The following LTBP4 variants were observed in gnomAD, a reference collection of about 807,000 sequenced individuals.
The protein encoded by LTBP4 is latent-transforming growth factor beta-binding protein 4.
LTBP4 carries 93 observed loss-of-function variants against 180.2 expected under a neutral mutation model. That is an observed-to-expected ratio of 0.52 (90% CI 0.44 to 0.61). The LOEUF (loss-of-function observed/expected upper bound fraction) is 0.61, where lower values mean the gene tolerates loss of function less well. Ranked by LOEUF, LTBP4 falls within the 20% of genes least tolerant of loss-of-function variation. The probability of loss-of-function intolerance (pLI) is 0.00; values close to 1 mark genes in which losing one functional copy is unlikely to be tolerated. For missense variants in LTBP4, 2,116 were observed against 2,256.5 expected (o/e 0.94, Z 1.26); for synonymous variants, 947 against 934.5 (o/e 1.01, Z -0.24).
chr19:40,627,883 G>A (rs1314397765), intron 29 of LTBP4, 26 bp downstream of exon 29: 3 of 1,547,816 alleles, frequency 1.9e-6, no homozygotes, highest in Admixed American at 3.8e-5. Context: ...GGGCCAGCAT[G>A]CGCAGGGAGA....
At chr19:40,627,914 G>T in intron 29 of LTBP4, 57 bp downstream of exon 29, 1 of 1,518,682 alleles carries the variant, frequency 6.6e-7, no homozygotes, top group South Asian at 1.2e-5. Context: ...GTCCAGGGAG[G>T]GTGGAAGCCC....
chr19:40,623,174 CT>C (rs11376199), intron 24 of LTBP4, among the ~76,000 whole-genome samples, 153 bp downstream of exon 24: 91 of 138,340 alleles, frequency 6.6e-4, no homozygotes, highest in African/African-American at 9.6e-4. Context: ...TCTTTTCTTT[CT>C]TTTTTTTTTT....
upstream of LTBP4, among the ~76,000 whole-genome samples, chr19:40,596,463 T>C (rs960534130): frequency 1.3e-5 from 2 of 151,222 alleles, no homozygotes; most frequent in African/African-American, 2.4e-5. Context: ...TGATACCCTC[T>C]GGGGGCGGCG....
Position 40,608,499 on chromosome 19 carries a change from A to G in LTBP4, c.1322A>G (p.His441Arg). ...SRPSAGFLPT[H>R]RLEPRPEPRP... The stretch of plus-strand genomic sequence containing the variant: ...TCTTTATCAGGCTTTCTGCCCACCC[A>G]TCGCCTGGAGCCCCGGCCTGAACCC... The change falls in exon 9 of 30, where the codon CAT becomes CGT. Residue 441 changes from histidine to arginine, a missense_variant. Physicochemically the swap from His to Arg is conservative, Grantham distance 29 (BLOSUM62 0). This residue lies in a region of LTBP4 where 877 missense variants were observed against 873.6 expected (regional missense o/e 1.00). Coordinates refer to ENST00000396819, the MANE Select transcript of LTBP4 (RefSeq NM_001042545.2). 6.2e-7 allele frequency: 1 copy of G among 1,604,538 alleles called. No individual in the cohort carries two copies. Among genetic ancestry groups the G allele is most frequent in the South Asian group, 1.1e-5 (1 of 89,398 alleles).
chr19:40,595,160 G>A (rs908482656), intron 1 of LTBP4, among the ~76,000 whole-genome samples: 1 of 152,118 alleles, frequency 6.6e-6, no homozygotes, highest in Non-Finnish European at 1.5e-5. Context: ...TCCTACATGT[G>A]GTCACGTCCC....
In LTBP4 at chr19:40,616,221, G is replaced by T. The variant is rs180853365; in HGVS notation, c.2813-668G>T. The stretch of plus-strand genomic sequence containing the variant: ...AGGTGGGAGAACTGCCTGAACCCGG[G>T]AGGTTGAAGCTCCAGTGAGCCATGA... On this transcript the variant is annotated intron_variant, in intron 19 of 29. Coordinates refer to ENST00000396819, the MANE Select transcript of LTBP4 (RefSeq NM_001042545.2). 8.7e-4 allele frequency among the ~76,000 whole-genome samples: 132 copies of T among 151,368 alleles called. 1 individual carries two copies. The highest frequency in any genetic ancestry group is 1.9e-4 in the Non-Finnish European group (13 of 67,956).
rs985786627 is a variant in LTBP4 at position 40,627,047 on chromosome 19, T to A, written c.4058T>A (p.Leu1353His). 2.5e-6 allele frequency: 4 copies of A among 1,611,228 alleles called. No homozygotes were observed. In the African/African-American group the frequency reaches 5.3e-5, roughly 22 times the overall value. ...CCCCCGCGACCAGGTGGCTTTGGACTCCCCTACGAGTACGGCCCAGACTTA... is the reference window on the plus strand; with the variant it reads ...CCCCCGCGACCAGGTGGCTTTGGACACCCCTACGAGTACGGCCCAGACTTA... ...YSPPRPGGFG[L>H]PYEYGPDLGP... The change falls in exon 28 of 30, where the codon CTC becomes CAC. Residue 1353 changes from leucine to histidine, a missense_variant. Transcript: ENST00000396819.
At position 40,610,331 on chromosome 19, in the gene LTBP4, C is replaced by CT. The variant is rs2081496445; in HGVS notation, c.1685-198dup. 6 of 610,054 alleles carry CT rather than the reference C, an allele frequency of 9.8e-6. No homozygotes were observed. In the South Asian group the frequency reaches 1.3e-4, roughly 13 times the overall value. The allele number at this position is 610,054 out of a possible 1,614,324, so 37.8% of individuals were successfully genotyped here. ...CCTTAGCTTGGTCCCCAAAGCTCTC[C>CT]TTTCTGCCCTTGCGCTACCAAACCC... is the stretch of plus-strand genomic sequence containing the variant. On this transcript the variant is annotated intron_variant, in intron 11 of 29. Coordinates refer to ENST00000396819, the MANE Select transcript of LTBP4 (RefSeq NM_001042545.2).
rs1305443184 is a variant in LTBP4, at chr19:40,611,149, C to T, written c.1811-3C>T. The T allele has an allele frequency of 6.2e-7, 1 of 1,612,208 alleles. No homozygotes were observed. Among genetic ancestry groups the T allele is most frequent in the Non-Finnish European group, 8.5e-7 (1 of 1,179,212 alleles). Reference sequence around the variant, plus strand: ...GTGACCCCGGGCCCCCTGCCCTGTGCAGATGTGGATGAATGCACCCAGAGC... The same window carrying T: ...GTGACCCCGGGCCCCCTGCCCTGTGTAGATGTGGATGAATGCACCCAGAGC... On this transcript the variant is annotated splice_region_variant and splice_polypyrimidine_tract_variant and intron_variant, in intron 12 of 29. Transcript: ENST00000396819. This position sits in a 1 kb window ranked among gnomAD's most constrained non-coding sequence, Gnocchi z 4.4.
At chr19:40,596,216 G>T (rs923115313) in intron 1 of LTBP4, among the ~76,000 whole-genome samples, 8 of 151,834 alleles carry the variant, frequency 5.3e-5, no homozygotes, top group Admixed American at 4.6e-4. Flanking sequence ...CACCGCGCCC[G>T]GCCTAATTTT....
intron 29 of LTBP4, among the ~76,000 whole-genome samples, chr19:40,628,366 C>G (rs988716122): frequency 1.3e-5 from 2 of 152,118 alleles, no homozygotes; most frequent in African/African-American, 4.8e-5. Flanking sequence ...TGGTGAAACC[C>G]CGTCTCTAAA....
rs116723327 is a variant in LTBP4 at position 40,611,680 on chromosome 19, G to A, written c.2054-179G>A. 6.9e-3 allele frequency among the ~76,000 whole-genome samples: 1,054 copies of A among 152,280 alleles called. 14 individuals carry two copies. The highest frequency in any genetic ancestry group is 0.024 in the African/African-American group (1,001 of 41,544). ...AGTTGGTGCCTTAGCCCCCACCTTAGTAGCTGGAGAGACCATTGAATGGGG... is the reference window on the plus strand; with the variant it reads ...AGTTGGTGCCTTAGCCCCCACCTTAATAGCTGGAGAGACCATTGAATGGGG... On this transcript the variant is annotated intron_variant, in intron 13 of 29. Coordinates refer to ENST00000396819, the MANE Select transcript of LTBP4 (RefSeq NM_001042545.2). This position sits in a 1 kb window ranked among gnomAD's most constrained non-coding sequence, Gnocchi z 4.4.
Position 40,596,201 on chromosome 19 carries a change from T to C in LTBP4, c.17-2996T>C, listed in dbSNP as rs539092596. Among the ~76,000 whole-genome samples the C allele has an allele frequency of 2.6e-3, 391 of 152,168 alleles. 1 individual carries two copies. Among genetic ancestry groups the C allele is most frequent in the Non-Finnish European group, 4.8e-3 (329 of 68,002 alleles). Reference sequence around the variant, plus strand: ...TCCCAAAGTGCTGGGATTACAGGCATGAGCCACCGCGCCCGGCCTAATTTT... The same window carrying C: ...TCCCAAAGTGCTGGGATTACAGGCACGAGCCACCGCGCCCGGCCTAATTTT... On this transcript the variant is annotated intron_variant, in intron 1 of 32. Coordinates refer to the LTBP4 transcript ENST00000204005.
intron 7 of LTBP4, 29 bp downstream of exon 7, chr19:40,607,558 A>G (rs1212489332): frequency 6.3e-7 from 1 of 1,577,890 alleles, no homozygotes; most frequent in African/African-American, 1.3e-5. Context: ...GCCTAGCCCT[A>G]CGCGCAACAC....
upstream of LTBP4, chr19:40,597,289 C>A (rs1364325690): frequency 6.6e-7 from 1 of 1,523,898 alleles, no homozygotes; most frequent in Non-Finnish European, 8.8e-7. Context: ...GCTGTTGCTG[C>A]CGCTCTTCGC....
intron 18 of LTBP4, 24 bp from the exon 19 acceptor site, chr19:40,614,291 C>A (rs1386155930): frequency 1.3e-6 from 2 of 1,590,124 alleles, no homozygotes; most frequent in Non-Finnish European, 1.7e-6. Flanking sequence ...TTCCCACATC[C>A]GACCACCCGA....
intron 24 of LTBP4, 72 bp downstream of exon 24, chr19:40,623,093 CCTCTGTCTCTCACCCTTTCTGTTT>C: frequency 1.7e-6 from 2 of 1,188,420 alleles, no homozygotes. Flanking sequence ...GTTTTCTTTG[CCTCTGTCTCTCACCCTTTCTGTTT>C]CTCTGTATCT....
intron 15 of LTBP4, 79 bp from the exon 16 acceptor site, chr19:40,612,986 C>A: frequency 6.8e-7 from 1 of 1,473,218 alleles, no homozygotes; most frequent in African/African-American, 1.4e-5. Context: ...CACCACCTCC[C>A]CCAGACACCC....
intron 1 of LTBP4, among the ~76,000 whole-genome samples, chr19:40,593,401 G>A (rs181105814): frequency 6.5e-4 from 99 of 152,044 alleles, no homozygotes; most frequent in African/African-American, 2.4e-3. Flanking sequence ...TGCCACCACA[G>A]CCAGCTACTT....
Sources: allele counts gnomAD v4.1 joint callset (sites outside exome capture counted in the v4.1 genomes callset), GRCh38; gene constraint gnomAD v4.1.1; regional missense constraint gnomAD v4.1.1; non-coding constraint Gnocchi (gnomAD v3.1); transcripts MANE v1.5; gene names NCBI Gene and HGNC (gene_info 2026-07-23, HGNC 2026-07-21).